Variants in HPSE2 observed in about 807,000 individuals in gnomAD.
HPSE2 encodes the protein inactive heparanase-2.
A neutral mutation model predicts 60.5 loss-of-function variants in HPSE2; 38 were observed. The observed-to-expected ratio is 0.63, with a 90% CI of 0.48 to 0.82. HPSE2 has a LOEUF of 0.82. Among genes scored for constraint, HPSE2 ranks in the 40% least tolerant of loss-of-function variants. HPSE2 has a pLI of 0.00. For synonymous variants in HPSE2, 295 were observed against 293.2 expected (o/e 1.01, Z -0.06); for missense variants, 713 against 740.4 (o/e 0.96, Z 0.43).
chr10:99,310,227 A>G, the HPSE2 span, among the ~76,000 whole-genome samples: 4 of 152,208 alleles, frequency 2.6e-5, no homozygotes. Context: ...TACATCTGCA[A>G]AGATCTTTTT....
intron 3 of HPSE2, among the ~76,000 whole-genome samples, chr10:98,753,575 G>T (rs1274049915): frequency 2.0e-5 from 3 of 152,188 alleles, no homozygotes; most frequent in Non-Finnish European, 4.4e-5. Flanking sequence ...CCATAAAAAG[G>T]AATGAAGCAC....
intron 10 of HPSE2, among the ~76,000 whole-genome samples, chr10:98,486,795 C>T (rs189673486): frequency 3.9e-5 from 6 of 152,202 alleles, no homozygotes; most frequent in Admixed American, 1.3e-4. Context: ...GTTTTGGGTT[C>T]GGTAAAAGCC....
intron 3 of HPSE2, among the ~76,000 whole-genome samples, chr10:99,083,669 G>A (rs1800212510): frequency 6.6e-6 from 1 of 152,164 alleles, no homozygotes. Context: ...GATGGGTAGA[G>A]ATCAGAAATC....
At chr10:99,194,065 A>G (rs1848312616) in intron 2 of HPSE2, among the ~76,000 whole-genome samples, 1 of 152,144 alleles carries the variant, frequency 6.6e-6, no homozygotes, top group Non-Finnish European at 1.5e-5. Context: ...AATTAAAATC[A>G]TATCAAGTAT....
At position 99,113,471 on chromosome 10, in the gene HPSE2, G is replaced by A. The variant is rs7079281; in HGVS notation, c.610+30767C>T. ...ACATATATCATTCATATATACATAC[G>A]TATATACACACATGTATATTACATA... On this transcript the variant is annotated intron_variant, in intron 3 of 11. Coordinates refer to ENST00000370552, the MANE Select transcript of HPSE2 (RefSeq NM_021828.5). Among the ~76,000 whole-genome samples, 1,457 of 151,832 alleles carry A rather than the reference G, an allele frequency of 9.6e-3. 29 individuals are homozygous for A. Among genetic ancestry groups the A allele is most frequent in the African/African-American group, 0.033 (1,360 of 41,390 alleles).
chr10:98,830,663 CT>C (rs1951664537), intron 3 of HPSE2, among the ~76,000 whole-genome samples: 1 of 152,158 alleles, frequency 6.6e-6, no homozygotes, highest in Admixed American at 6.5e-5. Flanking sequence ...AAAATTTTAG[CT>C]TTGCTTTAAC....
At chr10:98,469,804 TGCCTTTCCTACA>T (rs557355260) in intron 11 of HPSE2, among the ~76,000 whole-genome samples, 6 of 152,240 alleles carry the variant, frequency 3.9e-5, no homozygotes, top group Non-Finnish European at 2.9e-5. Flanking sequence ...TGCTGGAAGT[TGCCTTTCCTACA>T]GCCTTTCCTA....
chr10:98,528,064 C>CT (rs1460278852), intron 9 of HPSE2, among the ~76,000 whole-genome samples: 2 of 152,024 alleles, frequency 1.3e-5, no homozygotes, highest in Admixed American at 6.6e-5. Flanking sequence ...TTTGAAAAAA[C>CT]TTTTTTTTCT....
chr10:98,937,076 T>C (rs1248481131), intron 3 of HPSE2, among the ~76,000 whole-genome samples: 1 of 142,950 alleles, frequency 7.0e-6, no homozygotes, highest in Non-Finnish European at 1.5e-5. Context: ...ACAATAACGT[T>C]TTAAAAATAA....
chr10:98,676,066 A>G (rs1216160360), intron 6 of HPSE2, among the ~76,000 whole-genome samples: 1 of 151,886 alleles, frequency 6.6e-6, no homozygotes, highest in Admixed American at 6.6e-5. Flanking sequence ...TGAGGGCTAA[A>G]CCCTTTGAAG....
intron 6 of HPSE2, among the ~76,000 whole-genome samples, chr10:98,683,338 CAG>C (rs1223006203): frequency 6.9e-6 from 1 of 144,732 alleles, no homozygotes; most frequent in Non-Finnish European, 1.5e-5. Context: ...GAGGAAATAA[CAG>C]TAATTCAGGG....
chr10:99,239,431 T>TG (rs1207491696), upstream of HPSE2, among the ~76,000 whole-genome samples: 1 of 133,542 alleles, frequency 7.5e-6, no homozygotes. Context: ...TTTTTTTTTT[T>TG]TTTTTTTTTT....
At chr10:98,459,768 CATT>C (rs765188713) in intron 11 of HPSE2, 29 bp from the exon 12 acceptor site, 1 of 1,591,998 alleles carries the variant, frequency 6.3e-7, no homozygotes, top group African/African-American at 1.3e-5. Flanking sequence ...GTATGGGACT[CATT>C]ATTGCATTAT....
chr10:99,069,831 C>A (rs1842730546), intron 3 of HPSE2, among the ~76,000 whole-genome samples: 1 of 151,766 alleles, frequency 6.6e-6, no homozygotes, highest in African/African-American at 2.4e-5. Flanking sequence ...GTAAGAGTAG[C>A]AGCTTCTCAT....
chr10:98,980,440 G>T (rs1235028236), intron 3 of HPSE2, among the ~76,000 whole-genome samples: 1 of 152,136 alleles, frequency 6.6e-6, no homozygotes, highest in Admixed American at 6.6e-5. Context: ...AATCACAGCA[G>T]ATTAAGAGAA....
At chr10:98,490,499 G>A (rs543601323) in intron 9 of HPSE2, among the ~76,000 whole-genome samples, 64 of 152,176 alleles carry the variant, frequency 4.2e-4, no homozygotes, top group Non-Finnish European at 7.9e-4. Flanking sequence ...TTTCATATAT[G>A]AAATAAAACC....
chr10:98,960,012 A>G (rs1955610150), intron 3 of HPSE2, among the ~76,000 whole-genome samples: 2 of 152,118 alleles, frequency 1.3e-5, no homozygotes, highest in African/African-American at 4.8e-5. Flanking sequence ...CACTTCTTCC[A>G]TAAACTTTGC....
At chr10:98,549,107 C>T (rs1943782141) in intron 9 of HPSE2, among the ~76,000 whole-genome samples, 1 of 152,100 alleles carries the variant, frequency 6.6e-6, no homozygotes, top group South Asian at 2.1e-4. Flanking sequence ...TATTATCTTA[C>T]AGTGTACTGC....
At chr10:99,253,649 C>G in the HPSE2 span, among the ~76,000 whole-genome samples, 1 of 152,192 alleles carries the variant, frequency 6.6e-6, no homozygotes, top group East Asian at 1.9e-4. Flanking sequence ...GCAAAAGAAA[C>G]TATCAACAGA....
Sources: allele counts gnomAD v4.1 joint callset (sites outside exome capture counted in the v4.1 genomes callset), GRCh38; gene constraint gnomAD v4.1.1; transcripts MANE v1.5; gene names NCBI Gene and HGNC (gene_info 2026-07-23, HGNC 2026-07-21).